Variants in NCOR1 observed in about 807,000 individuals in gnomAD.
NCOR1 encodes the protein nuclear receptor corepressor 1, also known as protein phosphatase 1, regulatory subunit 109.
In NCOR1, 63 loss-of-function variants were observed where a neutral mutation model predicts 288.1. The observed-to-expected ratio is 0.22, with a 90% CI of 0.18 to 0.27. The LOEUF (loss-of-function observed/expected upper bound fraction) is 0.27. Ranked by LOEUF, NCOR1 falls within the 10% of genes least tolerant of loss-of-function variation. The pLI, the probability that NCOR1 is intolerant of heterozygous loss-of-function variation, is 1.00. For synonymous variants in NCOR1, 1,007 were observed against 1,065.9 expected (o/e 0.94, Z 1.08); for missense variants, 2,397 against 3,019.2 (o/e 0.79, Z 4.83).
intron 42 of NCOR1, among the ~76,000 whole-genome samples, chr17:16,044,168 CAAAAA>C (rs34691717): frequency 1.2e-5 from 1 of 82,832 alleles, no homozygotes; most frequent in African/African-American, 4.6e-5. Context: ...GACTCCATCT[CAAAAA>C]AAAAAAAAAA....
At chr17:16,188,022 T>C (rs1052767936) in intron 2 of NCOR1, among the ~76,000 whole-genome samples, 4 of 151,750 alleles carry the variant, frequency 2.6e-5, no homozygotes, top group African/African-American at 7.3e-5. Context: ...AGTTATGGGG[T>C]TTCGTTGCAG....
At chr17:16,120,887 T>C (rs2072864968) in intron 16 of NCOR1, among the ~76,000 whole-genome samples, 165 bp downstream of exon 16, 1 of 152,224 alleles carries the variant, frequency 6.6e-6, no homozygotes, top group African/African-American at 2.4e-5. Flanking sequence ...CTGGGTGATG[T>C]TCTTTTTCAA....
At chr17:16,109,004 C>T (rs1275170214) in intron 18 of NCOR1, 92 bp from the exon 19 acceptor site, 4 of 989,384 alleles carry the variant, frequency 4.0e-6, no homozygotes, top group Admixed American at 2.8e-5. Context: ...TAAGCACACA[C>T]ACACACCAGA....
At chr17:16,107,358 C>T (rs1466990461) in intron 19 of NCOR1, among the ~76,000 whole-genome samples, 2 of 152,060 alleles carry the variant, frequency 1.3e-5, no homozygotes, top group African/African-American at 4.8e-5. Context: ...ACAGTGGGCT[C>T]TAATCCAGTA....
chr17:16,135,427 G>C (rs2076259141), intron 14 of NCOR1, among the ~76,000 whole-genome samples: 1 of 152,054 alleles, frequency 6.6e-6, no homozygotes, highest in Non-Finnish European at 1.5e-5. Flanking sequence ...GCACCCATCA[G>C]TGTACAAGTA....
At chr17:16,150,658 C>G (rs1338965187) in intron 8 of NCOR1, among the ~76,000 whole-genome samples, 1 of 149,600 alleles carries the variant, frequency 6.7e-6, no homozygotes, top group Non-Finnish European at 1.5e-5. Context: ...CAGACTGTAT[C>G]AGGAGAAACA....
At chr17:16,135,029 G>A (rs1027118719) in intron 14 of NCOR1, among the ~76,000 whole-genome samples, 3 of 151,846 alleles carry the variant, frequency 2.0e-5, no homozygotes, top group African/African-American at 4.8e-5. Context: ...TGTGGTGGCG[G>A]GTGCCGGTAG....
chr17:16,181,510 G>A (rs2085482352), intron 3 of NCOR1, among the ~76,000 whole-genome samples: 1 of 151,908 alleles, frequency 6.6e-6, no homozygotes, highest in African/African-American at 2.4e-5. Flanking sequence ...TGTGTGGGAT[G>A]AACAAGTCTA....
chr17:16,114,519 G>A (rs1598831952), intron 18 of NCOR1, among the ~76,000 whole-genome samples: 1 of 152,308 alleles, frequency 6.6e-6, no homozygotes, highest in East Asian at 1.9e-4. Flanking sequence ...TCCCCTATGA[G>A]CCTGTGAAAG....
At chr17:16,134,028 T>G (rs568279838) in intron 14 of NCOR1, among the ~76,000 whole-genome samples, 16 of 152,296 alleles carry the variant, frequency 1.1e-4, no homozygotes, top group African/African-American at 3.6e-4. Flanking sequence ...TTACAAACTA[T>G]TCTCAACAGA....
At chr17:16,187,686 C>T (rs906935273) in intron 2 of NCOR1, among the ~76,000 whole-genome samples, 3 of 151,932 alleles carry the variant, frequency 2.0e-5, no homozygotes, top group Non-Finnish European at 4.4e-5. Context: ...GGGCAGACTG[C>T]TTGACCCCAC....
At chr17:16,174,224 ATT>A (rs2083655652) in intron 3 of NCOR1, among the ~76,000 whole-genome samples, 2 of 152,218 alleles carry the variant, frequency 1.3e-5, no homozygotes, top group South Asian at 4.1e-4. Flanking sequence ...ATCTCAAAGG[ATT>A]ACAAACAGCC....
rs1436506273 is a variant in NCOR1 at position 16,140,484 on chromosome 17, T to C, written c.1174-1298A>G. ...TCCAAGTCTAATCTGGGCAGTATAGTGAGACCCCATCTCTACAAAATAATT... is the reference window on the plus strand; with the variant it reads ...TCCAAGTCTAATCTGGGCAGTATAGCGAGACCCCATCTCTACAAAATAATT... On this transcript the variant is annotated intron_variant, in intron 11 of 45. Transcript: ENST00000268712. Among the ~76,000 whole-genome samples the C allele has an allele frequency of 5.3e-5, 8 of 152,034 alleles. No homozygotes were observed. The East Asian group carries it at 1.5e-3, about 29-fold the overall frequency.
At chr17:16,105,448 A>C (rs1467092602) in intron 19 of NCOR1, among the ~76,000 whole-genome samples, 1 of 152,102 alleles carries the variant, frequency 6.6e-6, no homozygotes, top group Non-Finnish European at 1.5e-5. Context: ...GAACAAAAAG[A>C]AGCAAGAGAC....
At chr17:16,156,014 C>T (rs1383458872) in intron 6 of NCOR1, among the ~76,000 whole-genome samples, 1 of 152,118 alleles carries the variant, frequency 6.6e-6, no homozygotes, top group African/African-American at 2.4e-5. Context: ...AAGATGAGGC[C>T]AGGCATGGGG....
intron 40 of NCOR1, among the ~76,000 whole-genome samples, chr17:16,056,297 ATTC>A (rs2059907288): frequency 7.6e-6 from 1 of 130,758 alleles, no homozygotes; most frequent in African/African-American, 2.9e-5. Context: ...TGTTCTCAGC[ATTC>A]TTTTTATCTT....
chr17:16,127,115 GTA>G lies in NCOR1; in HGVS notation c.1510-911_1510-910del, dbSNP rs1055489035. ...TTATCATAGGTGTGTGTGTGTATATGTATATATCTGTATGTATATATACATGT... is the reference window on the plus strand; with the variant it reads ...TTATCATAGGTGTGTGTGTGTATATGTATATCTGTATGTATATATACATGT... On this transcript the variant is annotated intron_variant, in intron 14 of 45. Coordinates refer to ENST00000268712, the MANE Select transcript of NCOR1 (RefSeq NM_006311.4). Among the ~76,000 whole-genome samples the G allele has an allele frequency of 3.0e-5, 3 of 101,060 alleles. 1 individual carries two copies. The highest frequency in any genetic ancestry group is 1.2e-4 in the African/African-American group (3 of 24,638). The allele number at this position is 101,060 out of a possible 152,430, so 66.3% of individuals were successfully genotyped here. A position where few individuals can be genotyped will look rare whatever the true frequency, so the allele number is the denominator to read the frequency against.
Position 16,127,313 on chromosome 17 carries a change from GTATGTATATATGTATGTATA to G in NCOR1, c.1510-1127_1510-1108del, listed in dbSNP as rs1568196278. Among the ~76,000 whole-genome samples the G allele has an allele frequency of 1.5e-3, 60 of 41,240 alleles. 13 individuals are homozygous for G. Among genetic ancestry groups the G allele is most frequent in the African/African-American group, 4.0e-3 (57 of 14,352 alleles). 27.1% of individuals were successfully genotyped at this position (41,240 alleles called of 152,430 possible). The stretch of plus-strand genomic sequence containing the variant: ...TATATGTATGTATGTATATATACAT[GTATGTATATATGTATGTATA>G]TATACATGTATGTATATATGTATGT... On this transcript the variant is annotated intron_variant, in intron 14 of 45. Transcript: ENST00000268712.
At chr17:16,189,024 C>CA (rs749974492) in intron 2 of NCOR1, among the ~76,000 whole-genome samples, 4 of 146,720 alleles carry the variant, frequency 2.7e-5, no homozygotes, top group Middle Eastern at 3.5e-3. Context: ...GACTCTGTCT[C>CA]AAAAAAACAA....
Sources: gnomAD v4.1 joint callset for allele counts (sites outside exome capture counted in the v4.1 genomes callset) on GRCh38, gnomAD v4.1.1 for gene constraint, MANE v1.5 for transcripts, NCBI Gene and HGNC (gene_info 2026-07-23, HGNC 2026-07-21) for gene names.